The following THSD7B variants were observed in gnomAD, a reference collection of about 807,000 sequenced individuals.
THSD7B encodes thrombospondin type 1 domain containing 7B, also known as thrombospondin type-1 domain-containing protein 7B.
THSD7B carries 138 observed loss-of-function variants against 213.6 expected under a neutral mutation model. That is an observed-to-expected ratio of 0.65 (90% confidence interval 0.56 to 0.74). THSD7B has a LOEUF of 0.74. THSD7B is among the 30% of genes least tolerant of loss of function. THSD7B has a pLI of 0.00. For synonymous variants in THSD7B, 742 were observed against 687.0 expected, an observed-to-expected ratio of 1.08 and a Z score of -1.25; for missense variants, 1,931 against 1,991.5, an observed-to-expected ratio of 0.97 and a Z score of 0.58.
intron 15 of THSD7B, among the ~76,000 whole-genome samples, chr2:137,537,056 TG>T (rs1680520253): frequency 6.6e-6 from 1 of 151,732 alleles, no homozygotes; most frequent in Non-Finnish European, 1.5e-5. Flanking sequence ...CCAAAATGCG[TG>T]GGTTGTCTAT....
chr2:136,797,033 C>T (rs1239368745), intron 1 of THSD7B, among the ~76,000 whole-genome samples: 2 of 147,134 alleles, frequency 1.4e-5, no homozygotes, highest in Non-Finnish European at 3.1e-5. Context: ...ACTGAAGACT[C>T]ATTTGTTTTT....
chr2:137,264,310 T>C (rs2105086016), intron 10 of THSD7B, among the ~76,000 whole-genome samples: 1 of 151,708 alleles, frequency 6.6e-6, no homozygotes, highest in South Asian at 2.1e-4. Context: ...TGGGGTGCAG[T>C]GGCGCAATTT....
intron 13 of THSD7B, 44 bp from the exon 14 acceptor site, chr2:137,411,565 C>G: frequency 2.0e-6 from 3 of 1,537,358 alleles, no homozygotes; most frequent in South Asian, 2.5e-5. Context: ...TTTAACAAAA[C>G]AGCAGATAAG....
intron 16 of THSD7B, among the ~76,000 whole-genome samples, chr2:137,570,122 T>A (rs1236268520): frequency 1.3e-5 from 2 of 152,054 alleles, no homozygotes; most frequent in Non-Finnish European, 2.9e-5. Context: ...TCCATAGAAT[T>A]AAAGTCCCTA....
At chr2:137,524,998 A>G (rs1473050870) in intron 15 of THSD7B, among the ~76,000 whole-genome samples, 1 of 152,142 alleles carries the variant, frequency 6.6e-6, no homozygotes, top group African/African-American at 2.4e-5. Context: ...GCCGTGCTTC[A>G]TGTTTTGTGA....
chr2:137,542,803 T>C (rs1680633157), intron 15 of THSD7B, among the ~76,000 whole-genome samples: 2 of 151,918 alleles, frequency 1.3e-5, no homozygotes, highest in South Asian at 4.1e-4. Flanking sequence ...AATCGTGTTG[T>C]ACTAACATAA....
rs182928338 is a variant in THSD7B at position 136,867,904 on chromosome 2, T to C, written c.-35-14240T>C. Among the ~76,000 whole-genome samples the C allele has an allele frequency of 2.0e-3, 310 of 152,360 alleles. 1 individual carries two copies. Among genetic ancestry groups the C allele is most frequent in the Non-Finnish European group, 3.1e-3 (214 of 68,036 alleles). On this transcript the variant is annotated intron_variant, in intron 1 of 27. Transcript: ENST00000409968. ...TGTACACACACACATATGTGTGATA[T>C]AGCAATAAAGACAAAGAGTGGCTTT...
At position 137,056,978 on chromosome 2, in the gene THSD7B, C is replaced by T; in HGVS notation, c.698C>T (p.Pro233Leu). 1.2e-6 allele frequency: 2 copies of T among 1,613,912 alleles called. No homozygotes were observed. The highest frequency in any genetic ancestry group is 1.7e-6 in the Non-Finnish European group (2 of 1,179,886). The change falls in exon 3 of 28, where the codon CCT becomes CTT. Residue 233 changes from proline (P) to leucine (L), a missense_variant. By Grantham distance (98) the Pro-to-Leu change is moderately conservative (BLOSUM62 -3). Transcript: ENST00000409968. ...SRACDAPISC[P>L]LGEEEYTFSL... ...GCCTGTGATGCTCCCATTTCCTGTCCTCTTGGGGAAGAGGAATATACATTT... is the reference window on the plus strand; with the variant it reads ...GCCTGTGATGCTCCCATTTCCTGTCTTCTTGGGGAAGAGGAATATACATTT...
intron 6 of THSD7B, 96 bp from the exon 7 acceptor site, chr2:137,170,645 A>G: frequency 8.6e-7 from 1 of 1,167,630 alleles, no homozygotes; most frequent in Non-Finnish European, 1.2e-6. Context: ...AGCGATGAGT[A>G]CTTGAATAAA....
At position 136,867,231 on chromosome 2, in the gene THSD7B, G is replaced by T. The variant is rs142898819; in HGVS notation, c.-35-14913G>T. Among the ~76,000 whole-genome samples the T allele has an allele frequency of 1.8e-3, 271 of 152,308 alleles. 1 individual carries two copies. Among genetic ancestry groups the T allele is most frequent in the Middle Eastern group, 0.01 (3 of 294 alleles). ...AAGTAAATAATTTAATTCATGCCAAGAATAAAATCACAGACAGGCTATGAC... is the reference window on the plus strand; with the variant it reads ...AAGTAAATAATTTAATTCATGCCAATAATAAAATCACAGACAGGCTATGAC... On this transcript the variant is annotated intron_variant, in intron 1 of 27. Coordinates refer to ENST00000409968, the MANE Select transcript of THSD7B (RefSeq NM_001316349.2).
intron 16 of THSD7B, among the ~76,000 whole-genome samples, chr2:137,565,731 G>A (rs543134149): frequency 1.4e-3 from 209 of 152,202 alleles, no homozygotes; most frequent in Non-Finnish European, 2.5e-3. Context: ...GAAGTGGAGG[G>A]CATCACATGG....
chr2:137,408,265 T>C (rs1220220117), intron 13 of THSD7B, among the ~76,000 whole-genome samples: 2 of 152,208 alleles, frequency 1.3e-5, no homozygotes, highest in African/African-American at 4.8e-5. Flanking sequence ...ACCTTGTAGA[T>C]GAACATTATT....
intron 1 of THSD7B, among the ~76,000 whole-genome samples, chr2:136,796,916 T>C (rs1028267057): frequency 2.0e-5 from 3 of 151,166 alleles, no homozygotes; most frequent in Non-Finnish European, 4.4e-5. Flanking sequence ...TAAATAAGGT[T>C]TGGAAGAGCT....
chr2:136,954,732 AAAG>A (rs1420716192), intron 2 of THSD7B, among the ~76,000 whole-genome samples: 1 of 150,542 alleles, frequency 6.6e-6, no homozygotes, highest in Non-Finnish European at 1.5e-5. Flanking sequence ...AAAAAAAAAA[AAAG>A]AAATTACATA....
chr2:137,652,960 A>C (rs1683168046), intron 21 of THSD7B, among the ~76,000 whole-genome samples: 1 of 152,136 alleles, frequency 6.6e-6, no homozygotes, highest in South Asian at 2.1e-4. Context: ...TTGGGGCTTC[A>C]AATTCAGTTA....
chr2:137,423,677 G>A (rs1686977669), intron 14 of THSD7B, among the ~76,000 whole-genome samples: 1 of 152,052 alleles, frequency 6.6e-6, no homozygotes, highest in Admixed American at 6.5e-5. Context: ...GGAAAGATGT[G>A]CTATGTTAAT....
intron 5 of THSD7B, among the ~76,000 whole-genome samples, chr2:137,143,933 T>C (rs1385967095): frequency 6.6e-6 from 1 of 152,122 alleles, no homozygotes; most frequent in South Asian, 2.1e-4. Flanking sequence ...TGGTTTTTTT[T>C]CCAGCTTTTA....
intron 21 of THSD7B, among the ~76,000 whole-genome samples, chr2:137,654,516 G>A (rs186913024): frequency 7.9e-5 from 12 of 152,250 alleles, no homozygotes; most frequent in African/African-American, 2.6e-4. Flanking sequence ...TGGGGAAGCT[G>A]GTTATCTACC....
chr2:137,178,479 G>A (rs540322455), intron 7 of THSD7B, among the ~76,000 whole-genome samples: 1 of 152,304 alleles, frequency 6.6e-6, no homozygotes, highest in African/African-American at 2.4e-5. Context: ...ATCAGGCTGT[G>A]CTGTTCACGC....
Sources: gnomAD v4.1 joint callset for allele counts (sites outside exome capture counted in the v4.1 genomes callset) on GRCh38, gnomAD v4.1.1 for gene constraint, MANE v1.5 for transcripts, NCBI Gene and HGNC (gene_info 2026-07-23, HGNC 2026-07-21) for gene names.